The following ANAPC10 variants were observed in gnomAD, a reference collection of about 807,000 sequenced individuals.
The protein encoded by ANAPC10 is anaphase-promoting complex subunit 10.
In ANAPC10, 12 loss-of-function variants were observed where a neutral mutation model predicts 22.0. The observed-to-expected ratio is 0.55, with a 90% CI of 0.35 to 0.88. The LOEUF (loss-of-function observed/expected upper bound fraction) is 0.88. Ranked by LOEUF, ANAPC10 falls within the 40% of genes least tolerant of loss-of-function variation. The pLI is 0.01. For missense variants in ANAPC10, 188 were observed against 220.9 expected, an observed-to-expected ratio of 0.85 and a Z score of 0.94; for synonymous variants, 65 against 69.5, an observed-to-expected ratio of 0.94 and a Z score of 0.32.
intron 4 of ANAPC10, among the ~76,000 whole-genome samples, chr4:145,028,749 G>A (rs1159066172): frequency 3.3e-5 from 5 of 152,090 alleles, no homozygotes; most frequent in Non-Finnish European, 5.9e-5. Context: ...ACTCTTGAGC[G>A]GCAAGGAGTT....
intron 3 of ANAPC10, among the ~76,000 whole-genome samples, chr4:145,078,238 TA>T (rs2126567699): frequency 6.6e-6 from 1 of 150,378 alleles, no homozygotes; most frequent in East Asian, 2.0e-4. Context: ...ACATACAAGC[TA>T]AGTGCCAAAT....
chr4:145,076,978 T>C (rs1164569321), intron 3 of ANAPC10, among the ~76,000 whole-genome samples: 1 of 152,136 alleles, frequency 6.6e-6, no homozygotes, highest in Non-Finnish European at 1.5e-5. Flanking sequence ...CGCGGGTGGA[T>C]CACGAGGTCA....
chr4:145,014,815 G>A (rs1182212129), intron 4 of ANAPC10, among the ~76,000 whole-genome samples: 1 of 152,120 alleles, frequency 6.6e-6, no homozygotes, highest in Non-Finnish European at 1.5e-5. Flanking sequence ...CTTGCTGGAT[G>A]GCCAGACCCA....
chr4:145,059,616 T>C (rs1742582797), intron 4 of ANAPC10, among the ~76,000 whole-genome samples: 1 of 152,114 alleles, frequency 6.6e-6, no homozygotes. Flanking sequence ...TAACAAGTTG[T>C]TTCTCATATA....
intron 4 of ANAPC10, among the ~76,000 whole-genome samples, chr4:145,003,874 A>C (rs1350553363): frequency 6.6e-6 from 1 of 152,174 alleles, no homozygotes; most frequent in Non-Finnish European, 1.5e-5. Flanking sequence ...CAATTCTGTG[A>C]ACAATGTCAT....
rs1731462048 is a variant in ANAPC10, at chr4:144,995,397, G to A, written c.534C>T (p.Phe178=). The A allele has an allele frequency of 6.2e-7, 1 of 1,611,210 alleles. No homozygotes were observed. Among genetic ancestry groups the A allele is most frequent in the Non-Finnish European group, 8.5e-7 (1 of 1,178,026 alleles). ...GKFPRCTTID[F]MMYRSIR ...GTCACCTTATTGAACGATACATCAT[G>A]AAATCTATAGTTGTACATCTAGGAA... is the stretch of plus-strand genomic sequence containing the variant. The change falls in exon 5 of 5, where the codon TTC becomes TTT. Residue 178 remains phenylalanine (F), a synonymous_variant. Coordinates refer to ENST00000507656, the MANE Select transcript of ANAPC10 (RefSeq NM_001256706.2).
chr4:145,049,032 T>C (rs911639481), intron 4 of ANAPC10, among the ~76,000 whole-genome samples: 1 of 152,206 alleles, frequency 6.6e-6, no homozygotes, highest in Non-Finnish European at 1.5e-5. Flanking sequence ...TGTTTTGGTT[T>C]CTCAGTGCAT....
intron 4 of ANAPC10, among the ~76,000 whole-genome samples, chr4:145,045,849 T>C (rs1360987009): frequency 6.6e-6 from 1 of 152,120 alleles, no homozygotes; most frequent in African/African-American, 2.4e-5. Context: ...TATCAATTTC[T>C]TTGCAAAGAA....
chr4:145,031,973 T>C (rs1737654626), intron 4 of ANAPC10, among the ~76,000 whole-genome samples: 1 of 152,140 alleles, frequency 6.6e-6, no homozygotes, highest in Non-Finnish European at 1.5e-5. Flanking sequence ...ATGGAAGTGG[T>C]ATATACGTGA....
chr4:145,046,990 G>A (rs1740402961), intron 4 of ANAPC10, among the ~76,000 whole-genome samples: 1 of 152,102 alleles, frequency 6.6e-6, no homozygotes, highest in Non-Finnish European at 1.5e-5. Flanking sequence ...GTATGGATGG[G>A]CGTAAAGTTA....
chr4:145,026,390 A>T (rs552477420), intron 4 of ANAPC10, among the ~76,000 whole-genome samples: 1 of 152,326 alleles, frequency 6.6e-6, no homozygotes, highest in South Asian at 2.1e-4. Context: ...AAGTGATTAC[A>T]TAGCATATAA....
At chr4:145,069,434 G>C (rs1392079370) in intron 3 of ANAPC10, among the ~76,000 whole-genome samples, 1 of 152,182 alleles carries the variant, frequency 6.6e-6, no homozygotes, top group Non-Finnish European at 1.5e-5. Context: ...ACTTCACAAG[G>C]ATAGGCAAAG....
intron 2 of ANAPC10, among the ~76,000 whole-genome samples, chr4:145,086,493 T>C (rs1387349141): frequency 1.3e-5 from 2 of 152,172 alleles, no homozygotes; most frequent in Non-Finnish European, 2.9e-5. Context: ...TGGGAACTTG[T>C]TAGGAATTCT....
At chr4:145,032,222 G>A (rs900845629) in intron 4 of ANAPC10, among the ~76,000 whole-genome samples, 2 of 152,324 alleles carry the variant, frequency 1.3e-5, no homozygotes, top group East Asian at 3.9e-4. Flanking sequence ...CCCTTTCTAG[G>A]ACATCCCTGA....
intron 4 of ANAPC10, among the ~76,000 whole-genome samples, chr4:145,017,823 A>T (rs1735409291): frequency 6.6e-6 from 1 of 152,112 alleles, no homozygotes; most frequent in Non-Finnish European, 1.5e-5. Flanking sequence ...TTGTAGGGAC[A>T]TGGATGAAGA....
chr4:145,066,818 G>A lies in ANAPC10; in HGVS notation c.207-2126C>T, dbSNP rs184562595. Among the ~76,000 whole-genome samples the A allele has an allele frequency of 4.4e-3, 667 of 151,608 alleles. 3 individuals carry two copies. The highest frequency in any genetic ancestry group is 0.015 in the African/African-American group (613 of 41,416). Reference sequence around the variant, plus strand: ...CACTTAGGTTAATAACTGGCTTAAGGTCAAAAAGCTAGTAGGAGGGAACAG... The same window carrying A: ...CACTTAGGTTAATAACTGGCTTAAGATCAAAAAGCTAGTAGGAGGGAACAG... On this transcript the variant is annotated intron_variant, in intron 3 of 4. Coordinates refer to ENST00000507656, the MANE Select transcript of ANAPC10 (RefSeq NM_001256706.2).
intron 4 of ANAPC10, among the ~76,000 whole-genome samples, chr4:145,036,674 GT>G (rs1160561790): frequency 6.6e-6 from 1 of 151,978 alleles, no homozygotes; most frequent in Non-Finnish European, 1.5e-5. Flanking sequence ...CTACATACAT[GT>G]TTTACTGTAG....
At chr4:145,003,061 T>G (rs986419004) in intron 4 of ANAPC10, among the ~76,000 whole-genome samples, 1 of 152,116 alleles carries the variant, frequency 6.6e-6, no homozygotes, top group African/African-American at 2.4e-5. Context: ...TTCCCTTCTT[T>G]GTGTCCATGT....
intron 2 of ANAPC10, among the ~76,000 whole-genome samples, chr4:145,093,768 T>C (rs911233451): frequency 1.3e-5 from 2 of 151,376 alleles, no homozygotes; most frequent in African/African-American, 4.9e-5. Context: ...GACAGGCCAA[T>C]GAAAAATACC....
Sources: allele counts gnomAD v4.1 joint callset (sites outside exome capture counted in the v4.1 genomes callset), GRCh38; gene constraint gnomAD v4.1.1; transcripts MANE v1.5; gene names NCBI Gene and HGNC (gene_info 2026-07-23, HGNC 2026-07-21).